Variants in RBFOX2 observed in about 807,000 individuals in gnomAD.
RBFOX2 encodes the protein RNA binding protein fox-1 homolog 2.
A neutral mutation model predicts 49.1 loss-of-function variants in RBFOX2; 10 were observed. That is an observed-to-expected ratio of 0.20 (90% confidence interval 0.13 to 0.35). The LOEUF is 0.35. Ranked by LOEUF, RBFOX2 falls within the 10% of genes least tolerant of loss-of-function variation. The probability of loss-of-function intolerance (pLI) is 1.00; values close to 1 mark genes in which losing one functional copy is unlikely to be tolerated. For missense variants in RBFOX2, 323 were observed against 486.9 expected, an observed-to-expected ratio of 0.66 and a Z score of 3.17; for synonymous variants, 183 against 187.4, an observed-to-expected ratio of 0.98 and a Z score of 0.19.
upstream of RBFOX2, among the ~76,000 whole-genome samples, chr22:35,845,215 A>C (rs1022296207): frequency 3.3e-5 from 5 of 152,190 alleles, no homozygotes; most frequent in African/African-American, 1.2e-4. Flanking sequence ...ATAACAATTT[A>C]CACCTAACAG....
intron 1 of RBFOX2, among the ~76,000 whole-genome samples, chr22:35,868,258 T>G (rs576688437): frequency 2.0e-5 from 3 of 152,236 alleles, no homozygotes; most frequent in African/African-American, 7.2e-5. Flanking sequence ...AAACCAGTTT[T>G]TATATTACCT....
At chr22:36,006,586 C>A (rs2058626795) in intron 1 of RBFOX2, among the ~76,000 whole-genome samples, 1 of 152,136 alleles carries the variant, frequency 6.6e-6, no homozygotes, top group Non-Finnish European at 1.5e-5. Context: ...GCTTGGTGAA[C>A]AATGGTCCTA....
chr22:35,889,125 A>G (rs191507865), intron 1 of RBFOX2, among the ~76,000 whole-genome samples: 1 of 152,288 alleles, frequency 6.6e-6, no homozygotes, highest in East Asian at 1.9e-4. Flanking sequence ...ACTGTGCTCC[A>G]GGGTGGGTGA....
intron 1 of RBFOX2, among the ~76,000 whole-genome samples, chr22:35,834,233 T>C (rs117846261): frequency 1.3e-5 from 2 of 152,372 alleles, no homozygotes; most frequent in East Asian, 1.9e-4. Flanking sequence ...TTAACCGTCA[T>C]ATGCCTAGTT....
In RBFOX2 at chr22:35,915,955, C is replaced by T. The variant is rs151168531; in HGVS notation, c.-34+22892G>A. 1.6e-4 allele frequency among the ~76,000 whole-genome samples: 24 copies of T among 152,326 alleles called. 1 individual carries two copies. Among genetic ancestry groups the T allele is most frequent in the African/African-American group, 5.8e-4 (24 of 41,592 alleles). On this transcript the variant is annotated intron_variant, in intron 1 of 13. Coordinates refer to the RBFOX2 transcript ENST00000359369. ...TAAGTGGCAGAGGCTCCGTATGCCT[C>T]CTCTTTGTCTCTATTCTTTAATCCC...
intron 1 of RBFOX2, among the ~76,000 whole-genome samples, chr22:35,969,520 G>A (rs1309553972): frequency 1.3e-5 from 2 of 152,074 alleles, no homozygotes; most frequent in Non-Finnish European, 2.9e-5. Flanking sequence ...GTTGCAGTGA[G>A]CCGAGATCGC....
chr22:35,850,178 T>C (rs1055744949), intron 1 of RBFOX2, among the ~76,000 whole-genome samples: 5 of 138,088 alleles, frequency 3.6e-5, no homozygotes, highest in African/African-American at 1.4e-4. Flanking sequence ...ATGCGCATTC[T>C]CTGTCTCTCT....
intron 1 of RBFOX2, among the ~76,000 whole-genome samples, chr22:35,892,561 C>A (rs1475607474): frequency 2.6e-5 from 4 of 152,172 alleles, no homozygotes; most frequent in African/African-American, 4.8e-5. Context: ...CCCATCTGCA[C>A]CAATTCAGAG....
At chr22:35,878,765 T>C (rs1467443946) in intron 1 of RBFOX2, among the ~76,000 whole-genome samples, 1 of 151,504 alleles carries the variant, frequency 6.6e-6, no homozygotes, top group Non-Finnish European at 1.5e-5. Context: ...TTTATTTATA[T>C]TGTCACCCAG....
chr22:35,800,440 C>T (rs897616948), intron 2 of RBFOX2, among the ~76,000 whole-genome samples: 1 of 152,188 alleles, frequency 6.6e-6, no homozygotes, highest in South Asian at 2.1e-4. Context: ...GACACTTATT[C>T]CACCTTATTT....
intron 1 of RBFOX2, among the ~76,000 whole-genome samples, chr22:35,856,636 A>G (rs1224571927): frequency 6.6e-6 from 1 of 152,022 alleles, no homozygotes; most frequent in Non-Finnish European, 1.5e-5. Flanking sequence ...GGGGAAAAAA[A>G]AAAAAAAAGA....
At chr22:35,889,114 C>G (rs2046949615) in intron 1 of RBFOX2, among the ~76,000 whole-genome samples, 1 of 152,086 alleles carries the variant, frequency 6.6e-6, no homozygotes, top group African/African-American at 2.4e-5. Context: ...AAGATCATGC[C>G]ACTGTGCTCC....
intron 1 of RBFOX2, among the ~76,000 whole-genome samples, chr22:35,924,532 C>A (rs2051398938): frequency 6.6e-6 from 1 of 152,220 alleles, no homozygotes. Flanking sequence ...CACTCTCTTG[C>A]TGAACATCAG....
At chr22:35,842,698 G>A (rs2040664815), upstream of RBFOX2, among the ~76,000 whole-genome samples, 3 of 151,884 alleles carry the variant, frequency 2.0e-5, no homozygotes, top group African/African-American at 4.8e-5. Context: ...CCCCCACAAT[G>A]TCCCCCGCCC....
upstream of RBFOX2, among the ~76,000 whole-genome samples, chr22:35,841,629 T>C (rs2040507619): frequency 6.6e-6 from 1 of 152,216 alleles, no homozygotes; most frequent in African/African-American, 2.4e-5. Context: ...ATTTATGAGA[T>C]ATTTTAGTTA....
intron 1 of RBFOX2, among the ~76,000 whole-genome samples, chr22:35,986,975 A>T (rs1425031195): frequency 6.6e-6 from 1 of 150,592 alleles, no homozygotes; most frequent in Non-Finnish European, 1.5e-5. Context: ...TTTTTTTAAG[A>T]CTGTTACATA....
intron 9 of RBFOX2, among the ~76,000 whole-genome samples, chr22:35,756,747 G>A (rs1937081154): frequency 6.6e-6 from 1 of 151,774 alleles, no homozygotes; most frequent in African/African-American, 2.4e-5. Context: ...GATAAGATTT[G>A]GCTGATCACA....
At chr22:35,766,971 G>A (rs1033718637) in intron 5 of RBFOX2, among the ~76,000 whole-genome samples, 12 of 152,110 alleles carry the variant, frequency 7.9e-5, no homozygotes, top group Admixed American at 7.2e-4. Flanking sequence ...AGTCAGGAAG[G>A]GTGTAACGGG....
chr22:35,828,327 T>G (rs1956171597), intron 1 of RBFOX2, among the ~76,000 whole-genome samples: 1 of 152,132 alleles, frequency 6.6e-6, no homozygotes, highest in African/African-American at 2.4e-5. Flanking sequence ...CTGCCCCAAC[T>G]TATCACATGG....
Sources: gnomAD v4.1 joint callset for allele counts (sites outside exome capture counted in the v4.1 genomes callset) on GRCh38, gnomAD v4.1.1 for gene constraint, MANE v1.5 for transcripts, NCBI Gene and HGNC (gene_info 2026-07-23, HGNC 2026-07-21) for gene names.